Variants in PDILT observed in about 807,000 individuals in gnomAD.
PDILT encodes protein disulfide isomerase like, testis expressed.
Under a neutral mutation model 53.7 loss-of-function variants are expected in PDILT, and 43 were observed. That is an observed-to-expected ratio of 0.80 (90% confidence interval 0.63 to 1.03). The LOEUF (loss-of-function observed/expected upper bound fraction) is 1.03, where lower values mean the gene tolerates loss of function less well. Ranked by LOEUF, PDILT falls within the 50% of genes least tolerant of loss-of-function variation. PDILT has a pLI of 0.00. For synonymous variants in PDILT, 282 were observed against 274.2 expected (o/e 1.03, Z -0.28); for missense variants, 727 against 712.3 (o/e 1.02, Z -0.24).
chr16:20,359,591 A>G, intron 11 of PDILT, 24 bp from the exon 12 acceptor site: 1 of 1,598,806 alleles, frequency 6.3e-7, no homozygotes, highest in Admixed American at 1.7e-5. Context: ...GGTGGAAGGA[A>G]GAAGGGAGGG....
At chr16:20,388,374 T>G (rs1304209030) in intron 2 of PDILT, among the ~76,000 whole-genome samples, 5 of 152,122 alleles carry the variant, frequency 3.3e-5, no homozygotes, top group Non-Finnish European at 5.9e-5. Context: ...AACCCAGAGG[T>G]CTTACAGCTA....
At chr16:20,369,341 G>A in intron 8 of PDILT, 151 bp downstream of exon 8, 1 of 838,806 alleles carries the variant, frequency 1.2e-6, no homozygotes, top group Admixed American at 2.1e-5. Flanking sequence ...GATTTGAGGT[G>A]GGGAGATGGG....
intron 4 of PDILT, 138 bp from the exon 5 acceptor site, chr16:20,375,097 T>C: frequency 1.0e-6 from 1 of 962,246 alleles, no homozygotes. Flanking sequence ...ACCCAAATCC[T>C]CTTTCATGAG....
intron 8 of PDILT, among the ~76,000 whole-genome samples, chr16:20,367,061 T>TTCTC (rs1966217859): frequency 2.5e-5 from 3 of 122,162 alleles, no homozygotes; most frequent in African/African-American, 1.0e-4. Context: ...CTTTCTTTCT[T>TTCTC]TCTTTCTTTC....
At chr16:20,369,724 T>A in intron 7 of PDILT, 35 bp from the exon 8 acceptor site, 1 of 1,609,506 alleles carries the variant, frequency 6.2e-7, no homozygotes, top group Non-Finnish European at 8.5e-7. Flanking sequence ...TCTCTCTGGA[T>A]CCTTTGCCAG....
chr16:20,367,087 CTTT>C (rs879924400), intron 8 of PDILT, among the ~76,000 whole-genome samples: 3,451 of 103,360 alleles, frequency 0.033, 132 homozygotes, highest in African/African-American at 0.045. Flanking sequence ...TTCTTTCTTT[CTTT>C]CTTTCTTTCT....
chr16:20,360,748 C>G (rs1966088666), intron 10 of PDILT, 91 bp from the exon 11 acceptor site: 3 of 892,812 alleles, frequency 3.4e-6, no homozygotes, highest in Non-Finnish European at 5.6e-6. Context: ...GGGTCAAATT[C>G]CTAACAACCC....
intron 9 of PDILT, 33 bp from the exon 10 acceptor site, chr16:20,362,615 T>C (rs1966122663): frequency 6.2e-7 from 1 of 1,607,510 alleles, no homozygotes; most frequent in Non-Finnish European, 8.5e-7. Flanking sequence ...CAGGCTCACA[T>C]TGATGAAGAT....
intron 3 of PDILT, among the ~76,000 whole-genome samples, chr16:20,382,246 T>C (rs900547758): frequency 2.6e-5 from 4 of 152,206 alleles, no homozygotes; most frequent in Non-Finnish European, 5.9e-5. Context: ...TGGACTAGAA[T>C]GAGAAAACTA....
intron 2 of PDILT, among the ~76,000 whole-genome samples, chr16:20,393,020 C>T (rs1966624803): frequency 6.6e-6 from 1 of 152,278 alleles, no homozygotes; most frequent in East Asian, 1.9e-4. Flanking sequence ...GGCTCTAAGC[C>T]TTTTAACACC....
intron 8 of PDILT, among the ~76,000 whole-genome samples, chr16:20,368,556 G>A (rs373198997): frequency 1.2e-4 from 19 of 152,186 alleles, no homozygotes; most frequent in African/African-American, 4.6e-4. Context: ...CATCATTTGG[G>A]TTTGTCTGGA....
At chr16:20,386,712 C>T (rs1966544482) in intron 2 of PDILT, among the ~76,000 whole-genome samples, 2 of 152,324 alleles carry the variant, frequency 1.3e-5, no homozygotes, top group South Asian at 4.1e-4. Context: ...TTCGATATCC[C>T]CTGATATCCC....
At chr16:20,377,721 G>A (rs557201538) in intron 3 of PDILT, among the ~76,000 whole-genome samples, 3 of 152,142 alleles carry the variant, frequency 2.0e-5, no homozygotes, top group South Asian at 2.1e-4. Flanking sequence ...TTGGGAGGCC[G>A]AGGAGGGCGG....
At chr16:20,380,922 C>A (rs1461515512) in intron 3 of PDILT, among the ~76,000 whole-genome samples, 4 of 152,196 alleles carry the variant, frequency 2.6e-5, no homozygotes, top group African/African-American at 9.7e-5. Flanking sequence ...TTGTTGATTC[C>A]TTTGTGCCTG....
In PDILT at chr16:20,391,856, G is replaced by A. The variant is rs1367812277; in HGVS notation, c.203-7005C>T. Reference sequence around the variant, plus strand: ...GGTGGGTACAGCCTACCAATGAGGGGCATAAACTTCACAATCCAGGTGAAG... The same window carrying A: ...GGTGGGTACAGCCTACCAATGAGGGACATAAACTTCACAATCCAGGTGAAG... On this transcript the variant is annotated intron_variant, in intron 2 of 11. Coordinates refer to ENST00000302451, the MANE Select transcript of PDILT (RefSeq NM_174924.2). 3.3e-5 allele frequency among the ~76,000 whole-genome samples: 5 copies of A among 151,814 alleles called. No homozygotes were observed. The East Asian group carries it at 9.8e-4, about 30-fold the overall frequency.
intron 3 of PDILT, among the ~76,000 whole-genome samples, chr16:20,381,691 A>G (rs1313354535): frequency 2.0e-5 from 3 of 151,400 alleles, no homozygotes; most frequent in Non-Finnish European, 4.4e-5. Flanking sequence ...AGGCTCGTTG[A>G]AGTTCCCATG....
intron 1 of PDILT, among the ~76,000 whole-genome samples, chr16:20,401,058 T>A (rs1180973278): frequency 6.6e-6 from 1 of 152,144 alleles, no homozygotes; most frequent in Non-Finnish European, 1.5e-5. Context: ...AAGCACATGG[T>A]CAAATGAAAC....
chr16:20,370,655 G>A (rs1966292429), intron 7 of PDILT, among the ~76,000 whole-genome samples: 1 of 152,194 alleles, frequency 6.6e-6, no homozygotes, highest in African/African-American at 2.4e-5. Context: ...AAATGAGGCT[G>A]AGACCTACGG....
chr16:20,368,058 G>A (rs1426349704), intron 8 of PDILT, among the ~76,000 whole-genome samples: 1 of 152,204 alleles, frequency 6.6e-6, no homozygotes, highest in East Asian at 1.9e-4. Flanking sequence ...AGGAGGGTGA[G>A]GGCAATGAGA....
Sources: gnomAD v4.1 joint callset for allele counts (sites outside exome capture counted in the v4.1 genomes callset) on GRCh38, gnomAD v4.1.1 for gene constraint, MANE v1.5 for transcripts, NCBI Gene and HGNC (gene_info 2026-07-23, HGNC 2026-07-21) for gene names.